B3GALNT2: variants seen among roughly 807,000 people sequenced by gnomAD.
The protein encoded by B3GALNT2 is beta-1,3-N-acetylgalactosaminyltransferase 2, also known as UDP-GalNAc:beta-1,3-N-acetylgalactosaminyltransferase 2.
B3GALNT2 carries 53 observed loss-of-function variants against 61.1 expected under a neutral mutation model. The ratio of observed to expected loss-of-function variants is 0.87; its 90% confidence interval spans 0.70 to 1.09. The LOEUF (loss-of-function observed/expected upper bound fraction) is 1.09. B3GALNT2 is among the 50% of genes least tolerant of loss of function. The pLI, the probability that B3GALNT2 is intolerant of heterozygous loss-of-function variation, is 0.00. For synonymous variants in B3GALNT2, 223 were observed against 237.4 expected (o/e 0.94, Z 0.56); for missense variants, 544 against 623.0 (o/e 0.87, Z 1.35).
chr1:235,492,628 C>G lies in B3GALNT2; in HGVS notation c.260+2053G>C, dbSNP rs546123704. Among the ~76,000 whole-genome samples the G allele has an allele frequency of 2.6e-5, 4 of 152,300 alleles. No individual in the cohort carries two copies. In the South Asian group the frequency reaches 8.3e-4, roughly 32 times the overall value. ...CCCCAATGCTCATGAAACCTACATT[C>G]AAGTGGAGAAAGACAAACAATTTTA... On this transcript the variant is annotated intron_variant, in intron 2 of 11. Transcript: ENST00000366600.
intron 5 of B3GALNT2, among the ~76,000 whole-genome samples, chr1:235,474,979 A>AT (rs1684192772): frequency 4.2e-4 from 14 of 33,704 alleles, no homozygotes; most frequent in Non-Finnish European, 5.2e-4. Context: ...ATATATATAT[A>AT]TATATATATT....
At chr1:235,475,674 AT>A (rs923282954) in intron 5 of B3GALNT2, among the ~76,000 whole-genome samples, 1 of 152,166 alleles carries the variant, frequency 6.6e-6, no homozygotes, top group East Asian at 1.9e-4. Context: ...ACAGGAGAGA[AT>A]TTTTTTAATT....
At chr1:235,440,973 G>A in the B3GALNT2 span, 2 of 152,268 alleles carry the variant, frequency 1.3e-5, no homozygotes, top group Non-Finnish European at 2.9e-5. Flanking sequence ...CTTAATGCAA[G>A]AAGCTCGCTG....
At chr1:235,477,603 T>C (rs1264911612) in intron 5 of B3GALNT2, among the ~76,000 whole-genome samples, 1 of 146,698 alleles carries the variant, frequency 6.8e-6, no homozygotes, top group African/African-American at 2.5e-5. Context: ...TTGGGCCAGA[T>C]AATTATTTGC....
At chr1:235,473,179 C>T (rs948130679) in intron 5 of B3GALNT2, among the ~76,000 whole-genome samples, 6 of 152,330 alleles carry the variant, frequency 3.9e-5, no homozygotes, top group East Asian at 1.9e-4. Context: ...TCCCAAAGTG[C>T]TAGGATTACG....
chr1:235,474,085 G>A (rs1052865362), intron 5 of B3GALNT2, among the ~76,000 whole-genome samples: 5 of 152,154 alleles, frequency 3.3e-5, no homozygotes, highest in African/African-American at 1.2e-4. Context: ...ACTAAGCAAG[G>A]AAGAAGCTTT....
At chr1:235,459,586 G>A (rs991040816) in intron 7 of B3GALNT2, among the ~76,000 whole-genome samples, 21 of 152,192 alleles carry the variant, frequency 1.4e-4, no homozygotes, top group Admixed American at 2.6e-4. Context: ...TTACACCACT[G>A]AACTCCATCC....
chr1:235,472,938 T>C (rs1481623726), intron 5 of B3GALNT2, among the ~76,000 whole-genome samples: 1 of 152,204 alleles, frequency 6.6e-6, no homozygotes, highest in Non-Finnish European at 1.5e-5. Flanking sequence ...AGACGGAGTC[T>C]CACTCTGTAG....
rs1683142505 is a variant in B3GALNT2 at position 235,455,787 on chromosome 1, C to T, written c.1026-103G>A. ...CATTCAAAACTGTACCTGTCATTATCTAAATTTCTTATTCCTCAAATGTTG... is the reference window on the plus strand; with the variant it reads ...CATTCAAAACTGTACCTGTCATTATTTAAATTTCTTATTCCTCAAATGTTG... On this transcript the variant is annotated intron_variant, in intron 8 of 11. Coordinates refer to ENST00000366600, the MANE Select transcript of B3GALNT2 (RefSeq NM_152490.5). The T allele has an allele frequency of 2.2e-6, 3 of 1,337,006 alleles. No homozygotes were observed. In the East Asian group the frequency reaches 7.3e-5, roughly 33 times the overall value. The allele number at this position is 1,337,006 out of a possible 1,614,324, so 82.8% of individuals were successfully genotyped here.
intron 1 of B3GALNT2, among the ~76,000 whole-genome samples, chr1:235,502,822 G>A (rs1372574431): frequency 6.6e-6 from 1 of 152,218 alleles, no homozygotes; most frequent in African/African-American, 2.4e-5. Flanking sequence ...AGAGAAACCT[G>A]TAACACACAA....
At chr1:235,504,098 ACC>A (rs149884283) in intron 1 of B3GALNT2, 41 bp downstream of exon 1, 1 of 1,195,596 alleles carries the variant, frequency 8.4e-7, no homozygotes, top group Non-Finnish European at 1.0e-6. Context: ...CGGGCCTCCC[ACC>A]CCCCCGGCGG....
the B3GALNT2 span, chr1:235,441,995 G>T: frequency 5.2e-5 from 43 of 834,144 alleles, no homozygotes; most frequent in Non-Finnish European, 7.3e-5. Flanking sequence ...AATGCCTTGA[G>T]TTTTAAATGA....
chr1:235,446,836 C>T (rs576031347), downstream of B3GALNT2, among the ~76,000 whole-genome samples: 2 of 151,914 alleles, frequency 1.3e-5, no homozygotes, highest in South Asian at 2.1e-4. Flanking sequence ...AGGCGTACAT[C>T]GCTATGCTTG....
At chr1:235,484,649 T>C in intron 3 of B3GALNT2, 134 bp from the exon 4 acceptor site, 1 of 1,394,776 alleles carries the variant, frequency 7.2e-7, no homozygotes, top group Non-Finnish European at 9.3e-7. Flanking sequence ...GCAGGAATTT[T>C]TAAAAAATGC....
chr1:235,487,781 T>G (rs1182688634), intron 3 of B3GALNT2, among the ~76,000 whole-genome samples: 1 of 152,174 alleles, frequency 6.6e-6, no homozygotes, highest in Admixed American at 6.5e-5. Context: ...GGATCAGCTT[T>G]CTTTCGTTGT....
At chr1:235,500,879 G>A (rs1685550386) in intron 1 of B3GALNT2, among the ~76,000 whole-genome samples, 1 of 152,170 alleles carries the variant, frequency 6.6e-6, no homozygotes, top group Non-Finnish European at 1.5e-5. Context: ...GACACAATTA[G>A]CATATAGGGA....
At chr1:235,465,554 A>G (rs1572503100) in intron 7 of B3GALNT2, 82 bp downstream of exon 7, 1 of 1,549,374 alleles carries the variant, frequency 6.5e-7, no homozygotes, top group East Asian at 2.3e-5. Context: ...AAGACAAAAA[A>G]GAAAAAATCC....
downstream of B3GALNT2, among the ~76,000 whole-genome samples, chr1:235,445,189 G>A (rs185785075): frequency 6.6e-6 from 1 of 152,334 alleles, no homozygotes; most frequent in African/African-American, 2.4e-5. Flanking sequence ...CAGATTACAA[G>A]GGTTCCTTTT....
chr1:235,454,345 G>A, intron 9 of B3GALNT2, 30 bp from the exon 10 acceptor site: 1 of 1,576,368 alleles, frequency 6.3e-7, no homozygotes, highest in Non-Finnish European at 8.7e-7. Context: ...GGCCTCTTGT[G>A]TTAGTCTGAC....
Sources: gnomAD v4.1 joint callset for allele counts (sites outside exome capture counted in the v4.1 genomes callset) on GRCh38, gnomAD v4.1.1 for gene constraint, MANE v1.5 for transcripts, NCBI Gene and HGNC (gene_info 2026-07-23, HGNC 2026-07-21) for gene names.